Variants in UBAP2 observed in about 807,000 individuals in gnomAD.
The protein encoded by UBAP2 is ubiquitin associated protein 2.
A neutral mutation model predicts 139.6 loss-of-function variants in UBAP2; 75 were observed. The observed-to-expected ratio is 0.54, with a 90% CI of 0.45 to 0.65. The LOEUF is 0.65. UBAP2 is among the 30% of genes least tolerant of loss of function. The probability of loss-of-function intolerance (pLI) is 0.00; values close to 1 mark genes in which losing one functional copy is unlikely to be tolerated. For synonymous variants in UBAP2, 526 were observed against 526.2 expected, an observed-to-expected ratio of 1.00 and a Z score of 0.01; for missense variants, 1,368 against 1,369.6, an observed-to-expected ratio of 1.00 and a Z score of 0.02.
chr9:34,001,518 C>T (rs1822700738), intron 2 of UBAP2, among the ~76,000 whole-genome samples: 1 of 152,214 alleles, frequency 6.6e-6, no homozygotes, highest in Non-Finnish European at 1.5e-5. Context: ...TTTAAGGTTA[C>T]AGCATGTCAT....
chr9:33,924,291 G>A lies in UBAP2; in HGVS notation c.2512-7C>T. 1.2e-6 allele frequency: 2 copies of A among 1,611,770 alleles called. No individual in the cohort carries two copies. Among genetic ancestry groups the A allele is most frequent in the Non-Finnish European group, 1.7e-6 (2 of 1,178,106 alleles). On this transcript the variant is annotated splice_region_variant and splice_polypyrimidine_tract_variant and intron_variant, in intron 22 of 28. Coordinates refer to ENST00000379238, the MANE Select transcript of UBAP2 (RefSeq NM_001370062.2). ...AGGGAATTCCATAGTAGTCCTAGGA[G>A]AGACCAGGGAGGCTTGATCAGCGAC...
intron 8 of UBAP2, among the ~76,000 whole-genome samples, chr9:33,970,332 G>A (rs1827821319): frequency 6.6e-6 from 1 of 151,806 alleles, no homozygotes. Flanking sequence ...AAATTTTGTT[G>A]ACCCTCTTTA....
At chr9:34,014,078 C>T (rs574991057) in intron 2 of UBAP2, among the ~76,000 whole-genome samples, 1 of 151,600 alleles carries the variant, frequency 6.6e-6, no homozygotes, top group East Asian at 2.0e-4. Context: ...ATCCCAACAC[C>T]TTGGGAGATC....
At chr9:33,960,999 A>C (rs1250568633) in intron 9 of UBAP2, 121 bp from the exon 10 acceptor site, 18 of 859,022 alleles carry the variant, frequency 2.1e-5, no homozygotes, top group Non-Finnish European at 3.4e-5. Context: ...CTAGCAATTT[A>C]GTTTACAACC....
At chr9:33,970,648 C>G (rs191642827) in intron 8 of UBAP2, among the ~76,000 whole-genome samples, 1 of 152,186 alleles carries the variant, frequency 6.6e-6, no homozygotes, top group South Asian at 2.1e-4. Flanking sequence ...TAACCAGGCT[C>G]GTCTCAAACT....
intron 6 of UBAP2, among the ~76,000 whole-genome samples, chr9:33,983,036 C>T (rs1201148231): frequency 6.6e-6 from 1 of 151,976 alleles, no homozygotes; most frequent in Admixed American, 6.6e-5. Flanking sequence ...TGCCACCATA[C>T]CCAGCTAATT....
At position 33,941,827 on chromosome 9, in the gene UBAP2, G is replaced by A; in HGVS notation, c.1751C>T (p.Ala584Val). 6.2e-7 allele frequency: 1 copy of A among 1,613,702 alleles called. No homozygotes were observed. Among genetic ancestry groups the A allele is most frequent in the Non-Finnish European group, 8.5e-7 (1 of 1,179,836 alleles). The part of the protein sequence containing the change: ...PLNTSLSMTS[A>V]VQNSTYTTSV... ...AGTTGTATATGTGGAGTTCTGTACT[G>A]CACTGGTCATTGATAAAGATGTATT... Residue 584 changes from alanine to valine, a missense_variant, in exon 16 of 29, where the codon GCA becomes GTA. Coordinates refer to ENST00000379238, the MANE Select transcript of UBAP2 (RefSeq NM_001370062.2).
Position 33,922,509 on chromosome 9 carries a change from T to C in UBAP2, c.3355A>G (p.Asn1119Asp). 6.2e-7 allele frequency: 1 copy of C among 1,613,816 alleles called. No individual in the cohort carries two copies. ...CCCACCCCTCTCTTCTGGGTTTAGT[T>C]TGTCCAGTATGGAGAGTTGCCGTAG... ...PAYGNSPYWT[N>D] The change falls in exon 29 of 29, where the codon AAC (asparagine) becomes GAC (aspartate). Residue 1119 changes from asparagine (N) to aspartate (D), a missense_variant. By Grantham distance (23) the Asn-to-Asp change is conservative. Transcript: ENST00000379238.
In UBAP2 at chr9:34,017,109, G is replaced by A. The variant is rs1432595558; in HGVS notation, c.40C>T (p.Arg14Trp). Reference protein sequence around the residue: ...SVSSDHCRGAREKPQISAAQS... With the variant: ...SVSSDHCRGAWEKPQISAAQS... The stretch of plus-strand genomic sequence containing the variant: ...GCTGCTGAAATCTGTGGTTTTTCCC[G>A]AGCACCTCGACAATGGTCACTGCTC... The change falls in exon 2 of 29, where the codon CGG becomes TGG. Residue 14 changes from arginine (R) to tryptophan (W), a missense_variant. Coordinates refer to ENST00000379238, the MANE Select transcript of UBAP2 (RefSeq NM_001370062.2). The A allele has an allele frequency of 6.2e-6, 10 of 1,611,716 alleles. No homozygotes were observed. Among genetic ancestry groups the A allele is most frequent in the South Asian group, 2.2e-5 (2 of 90,632 alleles).
chr9:33,978,844 A>G (rs771061747), intron 6 of UBAP2, among the ~76,000 whole-genome samples: 2 of 152,222 alleles, frequency 1.3e-5, no homozygotes, highest in Non-Finnish European at 2.9e-5. Context: ...ACAAAACAGT[A>G]AGGTAAAGCA....
intron 3 of UBAP2, chr9:33,997,636 C>T (rs557444378): frequency 2.7e-4 from 41 of 152,234 alleles, no homozygotes; most frequent in African/African-American, 9.9e-4. Flanking sequence ...TAAGTGAATG[C>T]CTGCAACATA....
intron 2 of UBAP2, among the ~76,000 whole-genome samples, chr9:34,008,889 C>T (rs2131240090): frequency 6.8e-6 from 1 of 147,284 alleles, no homozygotes; most frequent in East Asian, 2.0e-4. Context: ...GGCTTGAACC[C>T]ACAAGGCAGA....
chr9:34,000,874 C>G (rs1262709579), intron 2 of UBAP2, among the ~76,000 whole-genome samples: 2 of 152,218 alleles, frequency 1.3e-5, no homozygotes, highest in East Asian at 3.8e-4. Context: ...CTCAGTTTAA[C>G]TGCTGCAATA....
rs781269139 is a variant in UBAP2, at chr9:33,923,166, A to C, written c.3004+20T>G. ...CCCACCACTCCAGGCCTTATCCTGG[A>C]AAGGAGAGGTAAACACTACCTTTGC... On this transcript the variant is annotated intron_variant, in intron 26 of 28. Transcript: ENST00000379238. The C allele has an allele frequency of 3.7e-6, 6 of 1,613,986 alleles. No individual in the cohort carries two copies. Among genetic ancestry groups the C allele is most frequent in the Non-Finnish European group, 5.1e-6 (6 of 1,179,832 alleles).
At chr9:34,003,702 C>A (rs1367783689) in intron 2 of UBAP2, among the ~76,000 whole-genome samples, 2 of 151,746 alleles carry the variant, frequency 1.3e-5, no homozygotes, top group African/African-American at 4.8e-5. Context: ...CCACCACACA[C>A]GGCCAAAGAA....
chr9:33,988,958 A>C lies in UBAP2; in HGVS notation c.442+15T>G. ...TGAAAGAAGAGAAAAAACTGAGGAGAAAGTCTGTACTTACATTCTCTGCCA... is the reference window on the plus strand; with the variant it reads ...TGAAAGAAGAGAAAAAACTGAGGAGCAAGTCTGTACTTACATTCTCTGCCA... On this transcript the variant is annotated intron_variant, in intron 5 of 28. Transcript: ENST00000379238. 3 of 1,594,180 alleles carry C rather than the reference A, an allele frequency of 1.9e-6. No individual in the cohort carries two copies. The highest frequency in any genetic ancestry group is 2.6e-6 in the Non-Finnish European group (3 of 1,173,078).
intron 18 of UBAP2, 70 bp from the exon 19 acceptor site, chr9:33,932,698 GTC>G (rs753764343): frequency 4.6e-6 from 7 of 1,535,792 alleles, no homozygotes; most frequent in Non-Finnish European, 4.5e-6. Context: ...ACGCACGTGG[GTC>G]AGTGAGCTAG....
chr9:34,006,352 T>C (rs1823216719), intron 2 of UBAP2, among the ~76,000 whole-genome samples: 1 of 151,970 alleles, frequency 6.6e-6, no homozygotes, highest in Non-Finnish European at 1.5e-5. Flanking sequence ...ATCAACAAAC[T>C]TGTCAAGAGC....
chr9:33,934,241 A>T (rs1824259271), intron 17 of UBAP2: 1 of 156,710 alleles, frequency 6.4e-6, no homozygotes, highest in African/African-American at 2.4e-5. Context: ...ATCTCAGAGC[A>T]CATAAATGAG....
Sources: gnomAD v4.1 joint callset for allele counts (sites outside exome capture counted in the v4.1 genomes callset) on GRCh38, gnomAD v4.1.1 for gene constraint, MANE v1.5 for transcripts, NCBI Gene and HGNC (gene_info 2026-07-23, HGNC 2026-07-21) for gene names.